SLC6A15: variants seen among roughly 807,000 people sequenced by gnomAD.
SLC6A15 encodes the protein sodium-dependent neutral amino acid transporter B(0)AT2.
Under a neutral mutation model 68.5 loss-of-function variants are expected in SLC6A15, and 33 were observed. The ratio of observed to expected loss-of-function variants is 0.48; its 90% CI spans 0.37 to 0.64. The LOEUF (loss-of-function observed/expected upper bound fraction) is 0.64, where lower values mean the gene tolerates loss of function less well. SLC6A15 is among the 30% of genes least tolerant of loss of function. SLC6A15 has a pLI of 0.00. For synonymous variants in SLC6A15, 347 were observed against 301.0 expected (o/e 1.15, Z -1.58); for missense variants, 747 against 874.3 (o/e 0.85, Z 1.84).
chr12:84,905,440 T>A (rs1163097420), intron 1 of SLC6A15, among the ~76,000 whole-genome samples: 1 of 152,164 alleles, frequency 6.6e-6, no homozygotes, highest in Non-Finnish European at 1.5e-5. Context: ...AATTTACAGT[T>A]GATATTATAT....
chr12:84,881,322 G>T (rs1461463679), intron 5 of SLC6A15: 3 of 386,180 alleles, frequency 7.8e-6, no homozygotes, highest in Non-Finnish European at 3.5e-6. Context: ...TTCTTTGAAG[G>T]CTTACCACCA....
intron 5 of SLC6A15, chr12:84,882,341 G>A (rs948970252): frequency 3.1e-5 from 31 of 984,524 alleles, no homozygotes; most frequent in East Asian, 2.3e-4. Flanking sequence ...TGAACAATTC[G>A]AAGTTATTTA....
At chr12:84,886,374 A>G (rs888740474) in intron 2 of SLC6A15, among the ~76,000 whole-genome samples, 1 of 152,124 alleles carries the variant, frequency 6.6e-6, no homozygotes, top group Non-Finnish European at 1.5e-5. Context: ...ATTATTTAAA[A>G]TTCATTCTTT....
chr12:84,869,210 A>G (rs540463171), intron 9 of SLC6A15, among the ~76,000 whole-genome samples: 1 of 152,156 alleles, frequency 6.6e-6, no homozygotes, highest in Non-Finnish European at 1.5e-5. Context: ...CTGTAATCCT[A>G]GCACTTTGGG....
chr12:84,887,504 A>T (rs1565728038), intron 2 of SLC6A15, among the ~76,000 whole-genome samples: 1 of 152,184 alleles, frequency 6.6e-6, no homozygotes, highest in Admixed American at 6.5e-5. Context: ...TCAGTCTTTC[A>T]TTCTTAGTTG....
intron 1 of SLC6A15, among the ~76,000 whole-genome samples, chr12:84,900,145 C>T (rs949634776): frequency 1.3e-5 from 2 of 151,952 alleles, no homozygotes; most frequent in Non-Finnish European, 2.9e-5. Context: ...TATTTCATGT[C>T]TTTAATTTCT....
At chr12:84,909,414 G>C (rs909153374) in intron 1 of SLC6A15, among the ~76,000 whole-genome samples, 1 of 152,124 alleles carries the variant, frequency 6.6e-6, no homozygotes, top group Non-Finnish European at 1.5e-5. Flanking sequence ...TTTAGGGCTT[G>C]TTGTTCACAG....
chr12:84,890,112 T>A (rs1872320503), intron 2 of SLC6A15, among the ~76,000 whole-genome samples: 1 of 152,196 alleles, frequency 6.6e-6, no homozygotes, highest in Non-Finnish European at 1.5e-5. Context: ...TTTGGTACTG[T>A]AACAACCATT....
In SLC6A15 at chr12:84,885,465, A is replaced by G; in HGVS notation, c.544T>C (p.Cys182Arg). 6.2e-7 allele frequency: 1 copy of G among 1,613,464 alleles called. No homozygotes were observed. Residue 182 changes from cysteine (C) to arginine (R), a missense_variant, in exon 4 of 12, where the codon TGT becomes CGT. Cys to Arg is a radical substitution (Grantham distance 180). Transcript: ENST00000266682. The part of the protein sequence containing the change: ...SFQQPLPWDQ[C>R]PLVKNASHTF... ...TGTGAAGCATTTTTCACCAAAGGACACTGATCCCAAGGCAGGGGTTGCTGA... is the reference window on the plus strand; with the variant it reads ...TGTGAAGCATTTTTCACCAAAGGACGCTGATCCCAAGGCAGGGGTTGCTGA...
At chr12:84,893,106 T>C (rs942105034) in intron 1 of SLC6A15, among the ~76,000 whole-genome samples, 6 of 152,190 alleles carry the variant, frequency 3.9e-5, no homozygotes, top group Non-Finnish European at 8.8e-5. Flanking sequence ...TTGATATTTA[T>C]TGTGATGAGG....
intron 6 of SLC6A15, among the ~76,000 whole-genome samples, chr12:84,875,449 T>C (rs1871472669): frequency 6.6e-6 from 1 of 151,778 alleles, no homozygotes; most frequent in South Asian, 2.1e-4. Context: ...TTTTACGCAG[T>C]ATCAAGGCAG....
intron 1 of SLC6A15, among the ~76,000 whole-genome samples, chr12:84,896,226 A>G (rs1472257774): frequency 6.6e-6 from 1 of 152,242 alleles, no homozygotes; most frequent in Admixed American, 6.5e-5. Context: ...CTACAACTGT[A>G]CAATAGAGCA....
intron 1 of SLC6A15, among the ~76,000 whole-genome samples, chr12:84,893,916 T>C (rs933031663): frequency 6.6e-6 from 1 of 152,146 alleles, no homozygotes; most frequent in Admixed American, 6.5e-5. Context: ...CCAAAATATT[T>C]TGAGTGATAG....
intron 5 of SLC6A15, among the ~76,000 whole-genome samples, chr12:84,879,812 G>A (rs1871737829): frequency 1.4e-5 from 2 of 147,384 alleles, no homozygotes; most frequent in South Asian, 4.2e-4. Flanking sequence ...GTTCCATGAG[G>A]ACAGACTGTG....
chr12:84,886,168 A>G (rs1045101504), intron 2 of SLC6A15, 100 bp from the exon 3 acceptor site: 1 of 774,248 alleles, frequency 1.3e-6, no homozygotes, highest in Non-Finnish European at 2.0e-6. Context: ...ATTACTATAT[A>G]GTGCAATTAT....
In SLC6A15 at chr12:84,904,181, A is replaced by G. The variant is rs1873018774; in HGVS notation, c.-189+8342T>C. Among the ~76,000 whole-genome samples the G allele has an allele frequency of 2.7e-5, 4 of 147,850 alleles. No homozygotes were observed. The South Asian group carries it at 8.8e-4, about 33-fold the overall frequency. ...TTCTCCTGCTAGAAACCCCACATGG[A>G]AAGAGGGAGAGAAAGGGAGAGAAAG... is the stretch of plus-strand genomic sequence containing the variant. On this transcript the variant is annotated intron_variant, in intron 1 of 11. Transcript: ENST00000266682.
chr12:84,902,760 C>A (rs1242500908), intron 1 of SLC6A15, among the ~76,000 whole-genome samples: 1 of 151,850 alleles, frequency 6.6e-6, no homozygotes, highest in African/African-American at 2.4e-5. Context: ...CAAAGAAATA[C>A]ATATATAACA....
At chr12:84,897,062 A>T (rs1872664309) in intron 1 of SLC6A15, among the ~76,000 whole-genome samples, 1 of 152,050 alleles carries the variant, frequency 6.6e-6, no homozygotes, top group South Asian at 2.1e-4. Context: ...GTGTGGTGGC[A>T]GGTGCCTGTA....
Position 84,861,442 on chromosome 12 carries a change from T to C in SLC6A15, c.*190A>G, listed in dbSNP as rs1870843591. The C allele has an allele frequency of 1.7e-6, 1 of 577,454 alleles. No homozygotes were observed. The highest frequency in any genetic ancestry group is 3.3e-5 in the Admixed American group (1 of 30,542). The allele number at this position is 577,454 out of a possible 1,614,324, so 35.8% of individuals were successfully genotyped here. A position where few individuals can be genotyped will look rare whatever the true frequency, so the allele number is the denominator to read the frequency against. On this transcript the variant is annotated 3_prime_UTR_variant, in exon 12 of 12. Transcript: ENST00000266682. ...CCTAAGATTTGTCTGCAATCCTTTC[T>C]GCACAAATGTAAACCAAAGAATCCA... is the stretch of plus-strand genomic sequence containing the variant.
Sources: gnomAD v4.1 joint callset for allele counts (sites outside exome capture counted in the v4.1 genomes callset) on GRCh38, gnomAD v4.1.1 for gene constraint, MANE v1.5 for transcripts, NCBI Gene and HGNC (gene_info 2026-07-23, HGNC 2026-07-21) for gene names.